AKAP10: variants seen among roughly 807,000 people sequenced by gnomAD.
AKAP10 encodes the protein A-kinase anchoring protein 10, also known as A-kinase anchor protein 10, mitochondrial.
In AKAP10, 24 loss-of-function variants were observed where a neutral mutation model predicts 80.8. The ratio of observed to expected loss-of-function variants is 0.30; its 90% CI spans 0.22 to 0.42. The LOEUF (loss-of-function observed/expected upper bound fraction) is 0.42. Among genes scored for constraint, AKAP10 ranks in the 10% least tolerant of loss-of-function variants. AKAP10 has a pLI of 1.00. For missense variants in AKAP10, 661 were observed against 794.9 expected (o/e 0.83, Z 2.03); for synonymous variants, 291 against 277.7 (o/e 1.05, Z -0.48).
At chr17:19,972,241 A>G (rs1224160896) in intron 1 of AKAP10, among the ~76,000 whole-genome samples, 2 of 152,166 alleles carry the variant, frequency 1.3e-5, no homozygotes, top group Non-Finnish European at 2.9e-5. Context: ...ATGGCATTTG[A>G]TGTTTTTAAT....
chr17:19,918,858 CTA>C (rs1300254805), intron 12 of AKAP10, among the ~76,000 whole-genome samples: 1 of 152,122 alleles, frequency 6.6e-6, no homozygotes, highest in Non-Finnish European at 1.5e-5. Context: ...TTGGATTTGA[CTA>C]AACTACTCTT....
chr17:19,954,746 G>A (rs1194047022), intron 4 of AKAP10, among the ~76,000 whole-genome samples: 1 of 151,050 alleles, frequency 6.6e-6, no homozygotes, highest in Non-Finnish European at 1.5e-5. Context: ...GCCCACCTCA[G>A]CTTCTCAAAG....
chr17:19,956,992 TCACTGAGAATGAGTGAACTAAA>T (rs2043284596), intron 4 of AKAP10, among the ~76,000 whole-genome samples: 1 of 152,026 alleles, frequency 6.6e-6, no homozygotes, highest in South Asian at 2.1e-4. Flanking sequence ...TCATTTTAGT[TCACTGAGAATGAGTGAACTAAA>T]AGATCTGAAG....
chr17:19,962,466 G>C (rs903690960), intron 3 of AKAP10, among the ~76,000 whole-genome samples: 10 of 151,956 alleles, frequency 6.6e-5, no homozygotes, highest in African/African-American at 1.9e-4. Context: ...AAATAGGAGG[G>C]GTATTTCCCT....
chr17:19,921,880 C>T (rs1285408363), intron 11 of AKAP10, among the ~76,000 whole-genome samples: 2 of 151,902 alleles, frequency 1.3e-5, no homozygotes, highest in African/African-American at 4.8e-5. Context: ...ATATTACATA[C>T]GGAATACTAC....
At chr17:19,918,224 C>CAAAAAAAAA (rs559332326) in intron 12 of AKAP10, among the ~76,000 whole-genome samples, 6 of 85,814 alleles carry the variant, frequency 7.0e-5, no homozygotes, top group Non-Finnish European at 5.0e-5. Flanking sequence ...CCGTCTCAAA[C>CAAAAAAAAA]AAAAAAAAAA....
intron 6 of AKAP10, among the ~76,000 whole-genome samples, chr17:19,941,585 A>C (rs1171250996): frequency 1.3e-5 from 2 of 152,224 alleles, no homozygotes; most frequent in African/African-American, 4.8e-5. Context: ...AGAACTAAAA[A>C]CAAATTATTT....
At chr17:19,911,567 G>A (rs1372155943) in intron 12 of AKAP10, among the ~76,000 whole-genome samples, 3 of 152,090 alleles carry the variant, frequency 2.0e-5, no homozygotes, top group Middle Eastern at 6.8e-3. Context: ...GGCTGGGCGC[G>A]GTGGCTCACG....
chr17:19,915,756 C>G (rs1199840723), intron 12 of AKAP10, among the ~76,000 whole-genome samples: 1 of 152,166 alleles, frequency 6.6e-6, no homozygotes, highest in Non-Finnish European at 1.5e-5. Context: ...CAGCCTAATC[C>G]ACACCACCAT....
intron 1 of AKAP10, among the ~76,000 whole-genome samples, chr17:19,971,167 A>G (rs967278690): frequency 6.6e-5 from 10 of 151,922 alleles, no homozygotes; most frequent in African/African-American, 2.4e-4. Flanking sequence ...GTATATATAT[A>G]CATGTATGTG....
intron 10 of AKAP10, among the ~76,000 whole-genome samples, chr17:19,930,665 C>A (rs571702884): frequency 6.6e-6 from 1 of 151,884 alleles, no homozygotes; most frequent in Non-Finnish European, 1.5e-5. Flanking sequence ...CATTTGAGGT[C>A]AGGGGTTCAA....
At chr17:19,919,512 C>G (rs2042787061) in intron 12 of AKAP10, among the ~76,000 whole-genome samples, 1 of 151,954 alleles carries the variant, frequency 6.6e-6, no homozygotes, top group African/African-American at 2.4e-5. Context: ...GGTGAAACCT[C>G]ATCTCTGCTA....
At chr17:19,951,285 G>A (rs867037090) in intron 4 of AKAP10, among the ~76,000 whole-genome samples, 20 of 101,004 alleles carry the variant, frequency 2.0e-4, no homozygotes, top group African/African-American at 6.9e-4. Context: ...GGTGGGGGGC[G>A]CCTCCGCCCG....
At chr17:19,957,978 GAC>G (rs1162098960) in intron 4 of AKAP10, 34 bp downstream of exon 4, 1 of 1,527,832 alleles carries the variant, frequency 6.5e-7, no homozygotes, top group South Asian at 1.3e-5. Context: ...AAGAAAGTGA[GAC>G]ACATATGTAC....
intron 12 of AKAP10, among the ~76,000 whole-genome samples, chr17:19,916,180 C>CA (rs898205064): frequency 2.0e-5 from 3 of 152,218 alleles, no homozygotes; most frequent in African/African-American, 7.2e-5. Context: ...GCCACCTCCT[C>CA]AGTGAGGCCT....
intron 4 of AKAP10, among the ~76,000 whole-genome samples, chr17:19,951,362 C>T (rs1489501407): frequency 6.8e-6 from 1 of 147,972 alleles, no homozygotes; most frequent in Non-Finnish European, 1.5e-5. Context: ...AGTGAGGAGC[C>T]CCTCTGCCCA....
intron 12 of AKAP10, among the ~76,000 whole-genome samples, chr17:19,913,319 A>AT (rs1351842745): frequency 1.3e-5 from 2 of 151,808 alleles, no homozygotes; most frequent in Non-Finnish European, 2.9e-5. Flanking sequence ...TGCCTGGCTA[A>AT]TTTTTTGTAT....
chr17:19,953,869 T>G (rs147825888), intron 4 of AKAP10, among the ~76,000 whole-genome samples: 1 of 151,954 alleles, frequency 6.6e-6, no homozygotes, highest in Non-Finnish European at 1.5e-5. Flanking sequence ...CTGTCTGCAT[T>G]AAAAATACAA....
intron 11 of AKAP10, among the ~76,000 whole-genome samples, chr17:19,923,226 C>A (rs1317626740): frequency 1.3e-5 from 2 of 150,836 alleles, no homozygotes; most frequent in Non-Finnish European, 3.0e-5. Context: ...TACAGGCACA[C>A]GCCACCACGC....
Sources: allele counts gnomAD v4.1 joint callset (sites outside exome capture counted in the v4.1 genomes callset), GRCh38; gene constraint gnomAD v4.1.1; transcripts MANE v1.5; gene names NCBI Gene and HGNC (gene_info 2026-07-23, HGNC 2026-07-21).